The following CFAP43 variants were observed in gnomAD, a reference collection of about 807,000 sequenced individuals.
CFAP43 encodes the protein cilia- and flagella-associated protein 43.
Under a neutral mutation model 218.9 loss-of-function variants are expected in CFAP43, and 155 were observed. The observed-to-expected ratio is 0.71, with a 90% CI of 0.62 to 0.81. CFAP43 has a LOEUF of 0.81. CFAP43 is among the 30% of genes least tolerant of loss of function. The pLI is 0.00. For synonymous variants in CFAP43, 645 were observed against 681.3 expected, an observed-to-expected ratio of 0.95 and a Z score of 0.83; for missense variants, 1,778 against 1,954.3, an observed-to-expected ratio of 0.91 and a Z score of 1.70.
intron 28 of CFAP43, among the ~76,000 whole-genome samples, chr10:104,151,535 C>T (rs1401365415): frequency 6.6e-6 from 1 of 152,090 alleles, no homozygotes; most frequent in Admixed American, 6.6e-5. Context: ...TTGTTGGCCA[C>T]ATGTATGTCT....
In CFAP43 at chr10:104,184,307, G is replaced by A. The variant is rs191777821; in HGVS notation, c.2141+709C>T. Among the ~76,000 whole-genome samples, 227 of 152,190 alleles carry A rather than the reference G, an allele frequency of 1.5e-3. 1 individual carries two copies. Among genetic ancestry groups the A allele is most frequent in the African/African-American group, 5.2e-3 (215 of 41,512 alleles). ...TGAAACTGTCTTTGATATAATCTAAGCAAAATCTAATTAGGAAAGTGTGTG... is the reference window on the plus strand; with the variant it reads ...TGAAACTGTCTTTGATATAATCTAAACAAAATCTAATTAGGAAAGTGTGTG... On this transcript the variant is annotated intron_variant, in intron 16 of 37. Coordinates refer to ENST00000357060, the MANE Select transcript of CFAP43 (RefSeq NM_025145.7).
At chr10:104,205,212 C>CAAAAAAAAAAAAAAAAAAAAAAAAA (rs71022723) in intron 7 of CFAP43, among the ~76,000 whole-genome samples, 10 of 56,518 alleles carry the variant, frequency 1.8e-4, no homozygotes, top group Non-Finnish European at 2.4e-4. Context: ...GACTCCGTCT[C>CAAAAAAAAAAAAAAAAAAAAAAAAA]AAAAAAAAAA....
chr10:104,220,685 T>C (rs1178155432), intron 3 of CFAP43, among the ~76,000 whole-genome samples: 1 of 152,218 alleles, frequency 6.6e-6, no homozygotes, highest in Non-Finnish European at 1.5e-5. Context: ...CCAGACTTTG[T>C]ACCTTGCTTT....
chr10:104,146,652 T>G (rs1057495651), intron 29 of CFAP43, among the ~76,000 whole-genome samples: 7 of 152,154 alleles, frequency 4.6e-5, no homozygotes, highest in African/African-American at 1.7e-4. Context: ...CGGAATCACA[T>G]GGACCTGGGT....
At chr10:104,173,986 T>C (rs1363848742) in intron 19 of CFAP43, among the ~76,000 whole-genome samples, 1 of 152,180 alleles carries the variant, frequency 6.6e-6, no homozygotes, top group Non-Finnish European at 1.5e-5. Context: ...TGCAAAATAT[T>C]GTATTTCATA....
chr10:104,205,545 C>T (rs908825118), intron 7 of CFAP43, among the ~76,000 whole-genome samples: 2 of 152,120 alleles, frequency 1.3e-5, no homozygotes, highest in Non-Finnish European at 2.9e-5. Flanking sequence ...CGAATATCAA[C>T]AATAACATTA....
At chr10:104,174,440 G>A (rs1245619959) in intron 19 of CFAP43, among the ~76,000 whole-genome samples, 3 of 152,134 alleles carry the variant, frequency 2.0e-5, no homozygotes, top group Non-Finnish European at 2.9e-5. Context: ...ATTCACTACT[G>A]CAAGAATAGC....
intron 8 of CFAP43, among the ~76,000 whole-genome samples, chr10:104,200,604 G>A (rs1327987851): frequency 1.3e-5 from 2 of 149,342 alleles, no homozygotes; most frequent in East Asian, 2.0e-4. Flanking sequence ...CTGGGAGGTG[G>A]AGGTTGCAGT....
Position 104,161,106 on chromosome 10 carries a change from T to G in CFAP43, c.3471A>C (p.Glu1157Asp), listed in dbSNP as rs1564737642. Residue 1157 changes from glutamate to aspartate, a missense_variant, in exon 27 of 38, where the codon GAA (glutamate) becomes GAC (aspartate). Physicochemically the swap from Glu to Asp is conservative, Grantham distance 45 (BLOSUM62 2). Transcript: ENST00000357060. ...AKPDAVWTEE[E>D]RKQFKDYEKK... is the part of the protein sequence containing the mutation. ...TCTCATAATCTTTGAATTGTTTTCT[T>G]TCTTCTTCAGTCCACACAGCATCAG... The G allele has an allele frequency of 6.2e-7, 1 of 1,613,760 alleles. No individual in the cohort carries two copies. Among genetic ancestry groups the G allele is most frequent in the Non-Finnish European group, 8.5e-7 (1 of 1,179,762 alleles).
rs1327620621 is a variant in CFAP43, at chr10:104,164,220, G to A, written c.3120C>T (p.Arg1040=). ...AYKQKEFEIA[R]VKERNVRIRE... is the part of the protein sequence containing the mutation. ...GAATTCGAACATTTCTTTCCTTCACGCGTGCAATTTCAAACTCTTTTTGTT... is the reference window on the plus strand; with the variant it reads ...GAATTCGAACATTTCTTTCCTTCACACGTGCAATTTCAAACTCTTTTTGTT... The change falls in exon 24 of 38, where the codon CGC becomes CGT. Residue 1040 remains arginine (R), a synonymous_variant. Coordinates refer to ENST00000357060, the MANE Select transcript of CFAP43 (RefSeq NM_025145.7). 12 of 1,613,608 alleles carry A rather than the reference G, an allele frequency of 7.4e-6. No homozygotes were observed. Among genetic ancestry groups the A allele is most frequent in the South Asian group, 5.5e-5 (5 of 91,034 alleles).
chr10:104,167,747 A>G lies in CFAP43; in HGVS notation c.2692-10T>C, dbSNP rs748038450. On this transcript the variant is annotated splice_polypyrimidine_tract_variant and intron_variant, in intron 21 of 37. Coordinates refer to ENST00000357060, the MANE Select transcript of CFAP43 (RefSeq NM_025145.7). ...AGGGGATATGAAAACACTTGGGGAAAAAAACGCAAGACAAAATAAATCCAT... is the reference window on the plus strand; with the variant it reads ...AGGGGATATGAAAACACTTGGGGAAGAAAACGCAAGACAAAATAAATCCAT... 1 of 1,589,198 alleles carries G rather than the reference A, an allele frequency of 6.3e-7. No homozygotes were observed. Among genetic ancestry groups the G allele is most frequent in the Admixed American group, 1.8e-5 (1 of 54,712 alleles).
At chr10:104,231,660 A>G (rs1005491382) in intron 1 of CFAP43, among the ~76,000 whole-genome samples, 9 of 152,246 alleles carry the variant, frequency 5.9e-5, no homozygotes, top group African/African-American at 1.4e-4. Flanking sequence ...AATGTAGGGG[A>G]AAAAATGCCA....
chr10:104,161,890 C>A, intron 26 of CFAP43, 71 bp downstream of exon 26: 3 of 1,462,998 alleles, frequency 2.1e-6, no homozygotes, highest in Non-Finnish European at 2.8e-6. Flanking sequence ...TTATATAGGA[C>A]AAAAATGGTA....
chr10:104,130,431 C>T (rs2087125750), intron 37 of CFAP43, 126 bp from the exon 38 acceptor site: 1 of 1,057,992 alleles, frequency 9.5e-7, no homozygotes, highest in Non-Finnish European at 1.3e-6. Context: ...TGTATGTTTA[C>T]AGCAGCACTA....
At chr10:104,230,403 T>C (rs1264779101) in intron 2 of CFAP43, among the ~76,000 whole-genome samples, 187 bp downstream of exon 2, 1 of 152,112 alleles carries the variant, frequency 6.6e-6, no homozygotes, top group Non-Finnish European at 1.5e-5. Context: ...AGGCAGAGAT[T>C]GCAGTGAGCC....
At chr10:104,159,783 G>A (rs924910646) in intron 27 of CFAP43, among the ~76,000 whole-genome samples, 21 of 152,168 alleles carry the variant, frequency 1.4e-4, no homozygotes, top group African/African-American at 5.1e-4. Flanking sequence ...CTAGGATCCT[G>A]CTACTTAAAG....
intron 17 of CFAP43, among the ~76,000 whole-genome samples, chr10:104,181,469 A>C (rs1421033695): frequency 6.6e-6 from 1 of 152,214 alleles, no homozygotes; most frequent in Non-Finnish European, 1.5e-5. Flanking sequence ...CATTTCAATA[A>C]TGTCAACTAT....
rs912529577 is a variant in CFAP43 at position 104,186,233 on chromosome 10, T to C, written c.1861-110A>G. On this transcript the variant is annotated intron_variant, in intron 14 of 37. Transcript: ENST00000357060. ...TATTGTCATTGTAAATAAAATGATA[T>C]GGCATAAAGTGCAAACATTGTCATT... The C allele has an allele frequency of 1.4e-5, 12 of 839,556 alleles. No homozygotes were observed. In the African/African-American group the frequency reaches 1.8e-4, roughly 12 times the overall value. 52.0% of individuals were successfully genotyped at this position (839,556 alleles called of 1,614,324 possible).
At chr10:104,173,858 A>G (rs2089510719) in intron 19 of CFAP43, among the ~76,000 whole-genome samples, 1 of 152,242 alleles carries the variant, frequency 6.6e-6, no homozygotes, top group Admixed American at 6.5e-5. Context: ...AAATCACTAA[A>G]TATTTGGGGA....
Sources: allele counts gnomAD v4.1 joint callset (sites outside exome capture counted in the v4.1 genomes callset), GRCh38; gene constraint gnomAD v4.1.1; transcripts MANE v1.5; gene names NCBI Gene and HGNC (gene_info 2026-07-23, HGNC 2026-07-21).